The following UBE2G1 variants were observed in gnomAD, a reference collection of about 807,000 sequenced individuals.
UBE2G1 encodes ubiquitin-conjugating enzyme E2 G1.
In UBE2G1, 5 loss-of-function variants were observed where a neutral mutation model predicts 22.7. The observed-to-expected ratio is 0.22, with a 90% confidence interval of 0.12 to 0.46. The LOEUF (loss-of-function observed/expected upper bound fraction) is 0.46. UBE2G1 is among the 20% of genes least tolerant of loss of function. The pLI, the probability that UBE2G1 is intolerant of heterozygous loss-of-function variation, is 0.99. For missense variants in UBE2G1, 88 were observed against 203.9 expected, an observed-to-expected ratio of 0.43 and a Z score of 3.46; for synonymous variants, 74 against 67.5, an observed-to-expected ratio of 1.10 and a Z score of -0.47.
chr17:4,308,256 G>C (rs552391985), intron 1 of UBE2G1, among the ~76,000 whole-genome samples: 1 of 152,182 alleles, frequency 6.6e-6, no homozygotes, highest in African/African-American at 2.4e-5. Context: ...GGGAGGCTGA[G>C]GCAGAAAAAC....
At chr17:4,340,672 G>A (rs1382827941) in intron 1 of UBE2G1, among the ~76,000 whole-genome samples, 1 of 152,152 alleles carries the variant, frequency 6.6e-6, no homozygotes, top group Non-Finnish European at 1.5e-5. Context: ...CCCCAGCCAT[G>A]CAGAACTGTG....
intron 2 of UBE2G1, among the ~76,000 whole-genome samples, chr17:4,301,169 G>A (rs1485196750): frequency 6.6e-6 from 1 of 152,072 alleles, no homozygotes; most frequent in Non-Finnish European, 1.5e-5. Context: ...TTAATCTATA[G>A]TCCTGTTGTA....
At chr17:4,320,935 T>TA (rs913536675) in intron 1 of UBE2G1, among the ~76,000 whole-genome samples, 15 of 150,988 alleles carry the variant, frequency 9.9e-5, no homozygotes, top group African/African-American at 3.2e-4. Flanking sequence ...AAACAAAAAG[T>TA]AAAAAAAAGA....
intron 2 of UBE2G1, chr17:4,302,036 AC>A (rs1266482669): frequency 5.3e-5 from 26 of 493,644 alleles, no homozygotes; most frequent in Non-Finnish European, 6.5e-5. Context: ...AAGAACAACA[AC>A]AACAAAAAAA....
At chr17:4,350,425 C>T (rs531090957) in intron 1 of UBE2G1, among the ~76,000 whole-genome samples, 1 of 152,172 alleles carries the variant, frequency 6.6e-6, no homozygotes, top group East Asian at 1.9e-4. Context: ...TGCCACTGCA[C>T]TCCAGCCTGG....
At chr17:4,299,389 ACT>A (rs1271896171) in intron 2 of UBE2G1, among the ~76,000 whole-genome samples, 2 of 151,908 alleles carry the variant, frequency 1.3e-5, no homozygotes, top group Non-Finnish European at 2.9e-5. Flanking sequence ...CCAGAGTGAG[ACT>A]CTGTCTCAAC....
intron 5 of UBE2G1, among the ~76,000 whole-genome samples, chr17:4,277,414 C>T (rs754238543): frequency 3.3e-5 from 5 of 152,230 alleles, no homozygotes; most frequent in Admixed American, 6.5e-5. Flanking sequence ...TGGTGCAGAA[C>T]GGAGTCCTCC....
chr17:4,273,277 G>C (rs1008097319), intron 5 of UBE2G1, among the ~76,000 whole-genome samples: 1 of 152,194 alleles, frequency 6.6e-6, no homozygotes, highest in Non-Finnish European at 1.5e-5. Context: ...CTAAAGCTGA[G>C]ACAAGTTCAC....
chr17:4,341,522 C>G (rs926366704), intron 1 of UBE2G1, among the ~76,000 whole-genome samples: 6 of 152,138 alleles, frequency 3.9e-5, no homozygotes, highest in African/African-American at 1.4e-4. Flanking sequence ...CGGTTCTTCT[C>G]TCTACTAAAT....
chr17:4,334,464 T>C (rs1035309044), intron 1 of UBE2G1, among the ~76,000 whole-genome samples: 1 of 152,194 alleles, frequency 6.6e-6, no homozygotes, highest in Non-Finnish European at 1.5e-5. Context: ...TACTCATCAC[T>C]TCTTAGAGAG....
chr17:4,308,946 G>T (rs1467608718), intron 1 of UBE2G1, among the ~76,000 whole-genome samples: 2 of 152,174 alleles, frequency 1.3e-5, no homozygotes, highest in Admixed American at 6.5e-5. Context: ...CAGCAAAATA[G>T]GAGAAAGCCA....
rs1597267031 is a variant in UBE2G1, at chr17:4,355,273, G to A, written c.46+10998C>T. 2.6e-5 allele frequency among the ~76,000 whole-genome samples: 4 copies of A among 151,558 alleles called. No homozygotes were observed. The South Asian group carries it at 6.3e-4, about 24-fold the overall frequency. On this transcript the variant is annotated intron_variant, in intron 1 of 5. Transcript: ENST00000396981. Reference sequence around the variant, plus strand: ...CTGCCTCGGCCTCCCAAAGTTCTGGGATTACAGGCGTGAGTCACTCTGGGA... The same window carrying A: ...CTGCCTCGGCCTCCCAAAGTTCTGGAATTACAGGCGTGAGTCACTCTGGGA...
chr17:4,366,584 C>G lies in UBE2G1; in HGVS notation c.-268G>C, dbSNP rs552595888. The stretch of plus-strand genomic sequence containing the variant: ...CACTGGGACTTCGCTCGCCCGCTTC[C>G]CTCCTTCAACCCGCCCGTCGGCCCC... On this transcript the variant is annotated 5_prime_UTR_variant, in exon 1 of 6. Transcript: ENST00000396981. The G allele has an allele frequency of 4.7e-4, 172 of 367,862 alleles. No homozygotes were observed. The highest frequency in any genetic ancestry group is 3.4e-3 in the African/African-American group (160 of 47,092). 22.8% of individuals were successfully genotyped at this position (367,862 alleles called of 1,614,324 possible).
At chr17:4,365,369 C>T (rs972450871) in intron 1 of UBE2G1, among the ~76,000 whole-genome samples, 2 of 152,264 alleles carry the variant, frequency 1.3e-5, no homozygotes, top group African/African-American at 4.8e-5. Context: ...TCCGCGCACA[C>T]AGTCCTAGCA....
rs370398461 is a variant in UBE2G1, at chr17:4,318,124, G to A, written c.47-11001C>T. On this transcript the variant is annotated intron_variant, in intron 1 of 5. Transcript: ENST00000396981. ...AAAGGATGGTAAAGCCCTTGGTAAC[G>A]TTGCAACACGGAGAAGATATTGTAT... is the stretch of plus-strand genomic sequence containing the variant. 1.6e-4 allele frequency among the ~76,000 whole-genome samples: 24 copies of A among 152,176 alleles called. No homozygotes were observed. In the South Asian group the frequency reaches 3.3e-3, roughly 21 times the overall value.
intron 1 of UBE2G1, among the ~76,000 whole-genome samples, chr17:4,335,030 A>T (rs1465396485): frequency 1.3e-5 from 2 of 152,174 alleles, no homozygotes; most frequent in African/African-American, 4.8e-5. Context: ...CAAGAAAATC[A>T]CATCGAGCAC....
intron 1 of UBE2G1, among the ~76,000 whole-genome samples, chr17:4,318,258 A>T (rs1273043003): frequency 2.0e-5 from 3 of 152,206 alleles, no homozygotes; most frequent in Non-Finnish European, 2.9e-5. Flanking sequence ...ATACGTCTGT[A>T]TTCTTCAGAA....
intron 1 of UBE2G1, among the ~76,000 whole-genome samples, chr17:4,325,150 A>G (rs1401948123): frequency 6.6e-6 from 1 of 152,208 alleles, no homozygotes; most frequent in African/African-American, 2.4e-5. Context: ...CAAAAATTCA[A>G]TCTGAAGAGG....
intron 1 of UBE2G1, among the ~76,000 whole-genome samples, chr17:4,363,899 C>A (rs141827730): frequency 0.022 from 3,062 of 137,260 alleles, 124 homozygotes; most frequent in African/African-American, 0.083. Flanking sequence ...TTGCAGTGAG[C>A]CGAGATTGCG....
Sources: gnomAD v4.1 joint callset for allele counts (sites outside exome capture counted in the v4.1 genomes callset) on GRCh38, gnomAD v4.1.1 for gene constraint, MANE v1.5 for transcripts, NCBI Gene and HGNC (gene_info 2026-07-23, HGNC 2026-07-21) for gene names.